The following GABRB1 variants were observed in gnomAD, a reference collection of about 807,000 sequenced individuals.
GABRB1 encodes the protein gamma-aminobutyric acid type A receptor subunit beta1.
A neutral mutation model predicts 51.6 loss-of-function variants in GABRB1; 17 were observed. The ratio of observed to expected loss-of-function variants is 0.33; its 90% CI spans 0.23 to 0.49. GABRB1 has a LOEUF of 0.49. Among genes scored for constraint, GABRB1 ranks in the 20% least tolerant of loss-of-function variants. The pLI is 0.99. For missense variants in GABRB1, 410 were observed against 600.6 expected, an observed-to-expected ratio of 0.68 and a Z score of 3.32; for synonymous variants, 247 against 218.9, an observed-to-expected ratio of 1.13 and a Z score of -1.14.
At chr4:47,407,638 A>G (rs933995757) in intron 8 of GABRB1, among the ~76,000 whole-genome samples, 5 of 152,232 alleles carry the variant, frequency 3.3e-5, no homozygotes, top group Non-Finnish European at 5.9e-5. Flanking sequence ...ATTGTTTTCA[A>G]GATAGCACAG....
At chr4:47,065,508 GC>G (rs1480696931) in intron 3 of GABRB1, among the ~76,000 whole-genome samples, 1 of 152,218 alleles carries the variant, frequency 6.6e-6, no homozygotes, top group Non-Finnish European at 1.5e-5. Flanking sequence ...AAAGTATTGT[GC>G]AAAGAACTTT....
At chr4:47,137,047 G>T (rs769735453) in intron 3 of GABRB1, among the ~76,000 whole-genome samples, 1 of 152,114 alleles carries the variant, frequency 6.6e-6, no homozygotes, top group Admixed American at 6.6e-5. Context: ...TGCGGAAAGG[G>T]CGCCACAGAA....
At chr4:47,425,525 GATCT>G (rs1212141051) in intron 8 of GABRB1, 145 bp from the exon 9 acceptor site, 2 of 615,314 alleles carry the variant, frequency 3.3e-6, no homozygotes, top group Non-Finnish European at 2.9e-6. Context: ...TAGATCGATC[GATCT>G]ATCTCCACAT....
intron 4 of GABRB1, among the ~76,000 whole-genome samples, chr4:47,186,313 A>G (rs1287081652): frequency 6.6e-6 from 1 of 151,834 alleles, no homozygotes; most frequent in Admixed American, 6.6e-5. Context: ...GTAAGTATAT[A>G]CAGAGAACAC....
intron 3 of GABRB1, among the ~76,000 whole-genome samples, chr4:47,104,267 C>A (rs1240199455): frequency 6.6e-6 from 1 of 150,994 alleles, no homozygotes; most frequent in Non-Finnish European, 1.5e-5. Context: ...TAATATAGTC[C>A]TCATCTCTAT....
At chr4:47,170,534 C>T (rs1421293338) in intron 4 of GABRB1, among the ~76,000 whole-genome samples, 2 of 152,058 alleles carry the variant, frequency 1.3e-5, no homozygotes, top group African/African-American at 4.8e-5. Context: ...CTCTCTTCTA[C>T]AGACTTTCCC....
chr4:47,358,141 T>C (rs976390704), intron 5 of GABRB1, among the ~76,000 whole-genome samples: 2 of 152,054 alleles, frequency 1.3e-5, no homozygotes, highest in African/African-American at 4.8e-5. Flanking sequence ...AACTCAGCAG[T>C]GTGACTCTAA....
chr4:47,042,399 ATGTGTATGTGTACAG>A (rs56196035), intron 3 of GABRB1, among the ~76,000 whole-genome samples: 5,096 of 98,358 alleles, frequency 0.052, 110 homozygotes, highest in African/African-American at 0.08. Context: ...GTGTACATGT[ATGTGTATGTGTACAG>A]TATATATATA....
intron 5 of GABRB1, among the ~76,000 whole-genome samples, chr4:47,326,770 C>A (rs1725276599): frequency 1.3e-5 from 2 of 152,202 alleles, no homozygotes; most frequent in Admixed American, 6.5e-5. Context: ...TTAGACTTCC[C>A]AGCCTATATA....
chr4:47,251,428 G>T (rs1721981676), intron 4 of GABRB1, among the ~76,000 whole-genome samples: 1 of 152,178 alleles, frequency 6.6e-6, no homozygotes, highest in South Asian at 2.1e-4. Context: ...TTGGCCTCCT[G>T]CCAGGAGGTG....
chr4:47,184,443 C>T lies in GABRB1; in HGVS notation c.461+22974C>T, dbSNP rs17599952. ...GGAAGGACGGGGAAATGATTGGATT[C>T]TCCCAAAAAACAATAAAACTTTGCT... On this transcript the variant is annotated intron_variant, in intron 4 of 8. Transcript: ENST00000295454. Among the ~76,000 whole-genome samples the T allele has an allele frequency of 4.7e-3, 708 of 151,936 alleles. 52 individuals carry two copies. The East Asian group carries it at 0.12, about 26-fold the overall frequency.
At chr4:47,208,433 T>C (rs1380354915) in intron 4 of GABRB1, among the ~76,000 whole-genome samples, 1 of 152,080 alleles carries the variant, frequency 6.6e-6, no homozygotes, top group Non-Finnish European at 1.5e-5. Context: ...TGTATAACAT[T>C]GTGGATGTAA....
chr4:47,172,744 C>T (rs995097896), intron 4 of GABRB1, among the ~76,000 whole-genome samples: 4 of 139,348 alleles, frequency 2.9e-5, no homozygotes, highest in Admixed American at 8.1e-5. Flanking sequence ...CAGGTTCAAA[C>T]GAGTATCCTA....
chr4:47,362,553 T>G (rs537372099), intron 5 of GABRB1, among the ~76,000 whole-genome samples: 1 of 152,278 alleles, frequency 6.6e-6, no homozygotes, highest in Non-Finnish European at 1.5e-5. Context: ...TTTACGTGGT[T>G]CTAGGAGACT....
Position 47,056,510 on chromosome 4 carries a change from C to T in GABRB1, c.240+24026C>T, listed in dbSNP as rs545243303. 1.6e-4 allele frequency among the ~76,000 whole-genome samples: 25 copies of T among 152,222 alleles called. 1 individual carries two copies. The South Asian group carries it at 5.2e-3, about 32-fold the overall frequency. On this transcript the variant is annotated intron_variant, in intron 3 of 8. Transcript: ENST00000295454. ...ATATAAAGGTAGCATGCTAGGCAAT[C>T]GTTTTTTTCTCTACCTTAATCATCA...
chr4:47,019,151 A>C (rs554481835), intron 1 of GABRB1, among the ~76,000 whole-genome samples: 1 of 152,256 alleles, frequency 6.6e-6, no homozygotes, highest in Non-Finnish European at 1.5e-5. Context: ...TCATCTGACT[A>C]ATGGTAACTT....
intron 3 of GABRB1, among the ~76,000 whole-genome samples, chr4:47,079,138 G>A (rs1161013949): frequency 6.6e-6 from 1 of 152,182 alleles, no homozygotes; most frequent in East Asian, 1.9e-4. Context: ...AAATGAGTTA[G>A]GGAGGATTCC....
intron 8 of GABRB1, among the ~76,000 whole-genome samples, chr4:47,410,057 C>T (rs1002638024): frequency 2.0e-5 from 3 of 152,090 alleles, no homozygotes; most frequent in Admixed American, 6.5e-5. Flanking sequence ...CATTGTCTCT[C>T]GAATCAGTAA....
At chr4:47,082,125 T>C (rs1466718336) in intron 3 of GABRB1, among the ~76,000 whole-genome samples, 1 of 152,010 alleles carries the variant, frequency 6.6e-6, no homozygotes, top group Non-Finnish European at 1.5e-5. Flanking sequence ...ACTTTTGTCA[T>C]ATAATACCAA....
Sources: allele counts gnomAD v4.1 joint callset (sites outside exome capture counted in the v4.1 genomes callset), GRCh38; gene constraint gnomAD v4.1.1; transcripts MANE v1.5; gene names NCBI Gene and HGNC (gene_info 2026-07-23, HGNC 2026-07-21).